The following CCDC148 variants were observed in gnomAD, a reference collection of about 807,000 sequenced individuals.
CCDC148 encodes the protein coiled-coil domain-containing protein 148.
Under a neutral mutation model 85.7 loss-of-function variants are expected in CCDC148, and 89 were observed. The observed-to-expected ratio is 1.04, with a 90% CI of 0.87 to 1.24. The LOEUF is 1.24. Ranked by LOEUF, CCDC148 falls within the 50% of genes most tolerant of loss-of-function variation. The pLI, the probability that CCDC148 is intolerant of heterozygous loss-of-function variation, is 0.00. For synonymous variants in CCDC148, 230 were observed against 213.9 expected, an observed-to-expected ratio of 1.08 and a Z score of -0.66; for missense variants, 692 against 671.7, an observed-to-expected ratio of 1.03 and a Z score of -0.33.
At chr2:158,372,582 C>T (rs1161807912) in intron 1 of CCDC148, among the ~76,000 whole-genome samples, 1 of 152,012 alleles carries the variant, frequency 6.6e-6, no homozygotes, top group Non-Finnish European at 1.5e-5. Context: ...AAGAGGTTCA[C>T]CTGCTTCCCC....
intron 11 of CCDC148, among the ~76,000 whole-genome samples, chr2:158,202,063 A>G (rs1201505928): frequency 1.3e-5 from 2 of 152,130 alleles, no homozygotes; most frequent in African/African-American, 4.8e-5. Flanking sequence ...AATTAGTAAA[A>G]CTGGGTAGAA....
rs547611369 is a variant in CCDC148, at chr2:158,374,049, T to C, written c.26-15479A>G. Among the ~76,000 whole-genome samples, 6 of 152,188 alleles carry C rather than the reference T, an allele frequency of 3.9e-5. No individual in the cohort carries two copies. In the East Asian group the frequency reaches 5.8e-4, roughly 15 times the overall value. On this transcript the variant is annotated intron_variant, in intron 1 of 13. Transcript: ENST00000283233. Reference sequence around the variant, plus strand: ...CATGGTAGTATTAGAAGCAAACATATAGTTTTCACCTGCTTTTCCCCTACA... The same window carrying C: ...CATGGTAGTATTAGAAGCAAACATACAGTTTTCACCTGCTTTTCCCCTACA...
At chr2:158,324,512 C>T (rs767256000) in intron 7 of CCDC148, among the ~76,000 whole-genome samples, 1 of 151,962 alleles carries the variant, frequency 6.6e-6, no homozygotes, top group African/African-American at 2.4e-5. Context: ...AAGATTTTGC[C>T]ATCACTAAGG....
chr2:158,198,912 C>T (rs982313090), intron 11 of CCDC148, among the ~76,000 whole-genome samples: 3 of 152,076 alleles, frequency 2.0e-5, no homozygotes, highest in Admixed American at 6.6e-5. Context: ...TCAAACAAAC[C>T]TTGATTCTGA....
At position 158,328,845 on chromosome 2, in the gene CCDC148, AC is replaced by A. The variant is rs1296296126; in HGVS notation, c.764+9880del. 1.3e-4 allele frequency among the ~76,000 whole-genome samples: 20 copies of A among 152,088 alleles called. No individual in the cohort carries two copies. In the South Asian group the frequency reaches 3.9e-3, roughly 30 times the overall value. On this transcript the variant is annotated intron_variant, in intron 7 of 13. Transcript: ENST00000283233. Reference sequence around the variant, plus strand: ...AAGTGTCTGTTCATATCCTTCACCCACTTTTTGATGGGGTTGTTTGTTTTTT... The same window carrying A: ...AAGTGTCTGTTCATATCCTTCACCCATTTTTGATGGGGTTGTTTGTTTTTT...
At chr2:158,419,657 A>C (rs1686675380) in intron 1 of CCDC148, among the ~76,000 whole-genome samples, 1 of 152,150 alleles carries the variant, frequency 6.6e-6, no homozygotes, top group Non-Finnish European at 1.5e-5. Context: ...GAGATAATAA[A>C]AGGCAGCTAA....
chr2:158,349,154 C>G (rs746994888), intron 2 of CCDC148, among the ~76,000 whole-genome samples: 1 of 151,990 alleles, frequency 6.6e-6, no homozygotes, highest in Non-Finnish European at 1.5e-5. Context: ...ACAAATCAGA[C>G]AGGTAGCTAA....
intron 7 of CCDC148, among the ~76,000 whole-genome samples, chr2:158,331,357 C>T (rs892429151): frequency 6.6e-6 from 1 of 152,188 alleles, no homozygotes; most frequent in Non-Finnish European, 1.5e-5. Context: ...TTTGATTGCA[C>T]TGTGGTCTGA....
At chr2:158,359,316 C>T (rs1216827256) in intron 1 of CCDC148, among the ~76,000 whole-genome samples, 1 of 152,122 alleles carries the variant, frequency 6.6e-6, no homozygotes, top group African/African-American at 2.4e-5. Context: ...AATCATGGAT[C>T]ACATGACTAT....
intron 9 of CCDC148, among the ~76,000 whole-genome samples, chr2:158,301,194 T>G (rs1038313647): frequency 2.0e-5 from 3 of 152,150 alleles, no homozygotes; most frequent in Admixed American, 2.0e-4. Context: ...CTGCCTGCAA[T>G]TTAGAGAAAG....
At chr2:158,241,509 T>C (rs1444176647) in intron 10 of CCDC148, among the ~76,000 whole-genome samples, 3 of 152,130 alleles carry the variant, frequency 2.0e-5, no homozygotes, top group African/African-American at 4.8e-5. Flanking sequence ...TGATCTCTTA[T>C]AATTGCATGA....
chr2:158,419,142 T>C lies in CCDC148; in HGVS notation c.25+37273A>G, dbSNP rs141271235. The stretch of plus-strand genomic sequence containing the variant: ...AACACTAAGATCATGTTCTAACTAA[T>C]TGAGTTCACAGGCTTAAATTACTCA... On this transcript the variant is annotated intron_variant, in intron 1 of 13. Transcript: ENST00000283233. Among the ~76,000 whole-genome samples the C allele has an allele frequency of 6.3e-4, 96 of 152,262 alleles. 1 individual carries two copies. The East Asian group carries it at 0.014, about 22-fold the overall frequency.
At chr2:158,253,582 C>T (rs529750422) in intron 9 of CCDC148, among the ~76,000 whole-genome samples, 1 of 151,650 alleles carries the variant, frequency 6.6e-6, no homozygotes, top group African/African-American at 2.4e-5. Flanking sequence ...CATGCATTTG[C>T]CTTCCCCTTA....
At chr2:158,415,698 A>C (rs533796249) in intron 1 of CCDC148, among the ~76,000 whole-genome samples, 2 of 152,240 alleles carry the variant, frequency 1.3e-5, no homozygotes, top group Non-Finnish European at 2.9e-5. Context: ...CAAAAGAGAG[A>C]AATCTGCCAG....
At chr2:158,388,163 G>A (rs565104525) in intron 1 of CCDC148, among the ~76,000 whole-genome samples, 1 of 152,322 alleles carries the variant, frequency 6.6e-6, no homozygotes, top group African/African-American at 2.4e-5. Context: ...CTCTAAAAAT[G>A]TTTGATACAC....
intron 2 of CCDC148, among the ~76,000 whole-genome samples, chr2:158,349,744 C>T (rs2105254322): frequency 6.6e-6 from 1 of 151,858 alleles, no homozygotes; most frequent in African/African-American, 2.4e-5. Flanking sequence ...TTCCTTAATC[C>T]AGATATAATA....
At chr2:158,183,670 C>A (rs1251288146) in intron 11 of CCDC148, among the ~76,000 whole-genome samples, 1 of 152,150 alleles carries the variant, frequency 6.6e-6, no homozygotes, top group Non-Finnish European at 1.5e-5. Flanking sequence ...CCTAACATTT[C>A]AGGCAAGTAA....
intron 9 of CCDC148, among the ~76,000 whole-genome samples, chr2:158,260,099 T>C (rs941410194): frequency 7.2e-5 from 11 of 151,986 alleles, no homozygotes; most frequent in Non-Finnish European, 1.5e-4. Flanking sequence ...TTTTTCTCTT[T>C]AGACAGTAAG....
intron 1 of CCDC148, among the ~76,000 whole-genome samples, chr2:158,421,470 A>G (rs1347375840): frequency 1.3e-5 from 2 of 152,208 alleles, no homozygotes; most frequent in Non-Finnish European, 2.9e-5. Flanking sequence ...AAACTGAACA[A>G]CCTACTCCTG....
Sources: gnomAD v4.1 joint callset for allele counts (sites outside exome capture counted in the v4.1 genomes callset) on GRCh38, gnomAD v4.1.1 for gene constraint, MANE v1.5 for transcripts, NCBI Gene and HGNC (gene_info 2026-07-23, HGNC 2026-07-21) for gene names.